Variants in SNRPA1 observed in about 807,000 individuals in gnomAD.
The protein encoded by SNRPA1 is U2 small nuclear ribonucleoprotein A'.
In SNRPA1, 5 loss-of-function variants were observed where a neutral mutation model predicts 32.3. The ratio of observed to expected loss-of-function variants is 0.15; its 90% CI spans 0.08 to 0.33. The LOEUF (loss-of-function observed/expected upper bound fraction) is 0.33. Ranked by LOEUF, SNRPA1 falls within the 10% of genes least tolerant of loss-of-function variation. SNRPA1 has a pLI of 1.00. For missense variants in SNRPA1, 198 were observed against 311.1 expected, an observed-to-expected ratio of 0.64 and a Z score of 2.74; for synonymous variants, 111 against 120.1, an observed-to-expected ratio of 0.92 and a Z score of 0.50.
At chr15:101,294,411 T>C (rs1242273935) in intron 1 of SNRPA1, among the ~76,000 whole-genome samples, 1 of 152,206 alleles carries the variant, frequency 6.6e-6, no homozygotes, top group Non-Finnish European at 1.5e-5. Flanking sequence ...TAAAGCCGTC[T>C]CCTGAAATGC....
chr15:101,291,913 G>A (rs1451492841), intron 3 of SNRPA1, 49 bp downstream of exon 3: 9 of 1,182,992 alleles, frequency 7.6e-6, no homozygotes, highest in Non-Finnish European at 1.1e-5. Context: ...GAAGCACATA[G>A]TACCTTTAAC....
At chr15:101,285,963 C>A in intron 6 of SNRPA1, 162 bp from the exon 7 acceptor site, 1 of 640,294 alleles carries the variant, frequency 1.6e-6, no homozygotes. Flanking sequence ...TCCAGTTCAT[C>A]TTCCTATATA....
chr15:101,294,035 A>C (rs2039558445), intron 1 of SNRPA1, among the ~76,000 whole-genome samples: 1 of 152,194 alleles, frequency 6.6e-6, no homozygotes, highest in Non-Finnish European at 1.5e-5. Flanking sequence ...GGAGTTCGAG[A>C]CCAGCCTGAC....
chr15:101,284,507 C>CT (rs58361573), intron 8 of SNRPA1, among the ~76,000 whole-genome samples: 6,549 of 142,632 alleles, frequency 0.046, 521 homozygotes, highest in African/African-American at 0.15. Context: ...CATGAAATAC[C>CT]TTTTTTTTTT....
At chr15:101,284,916 C>T in intron 8 of SNRPA1, 51 bp downstream of exon 8, 1 of 1,379,344 alleles carries the variant, frequency 7.2e-7, no homozygotes, top group Non-Finnish European at 1.0e-6. Flanking sequence ...TTGTGAGTTA[C>T]ACTCTGAGTG....
rs964291971 is a variant in SNRPA1, at chr15:101,291,866, C to G, written c.309+96G>C. On this transcript the variant is annotated intron_variant, in intron 3 of 8. Transcript: ENST00000254193. ...TAAGAAAAAGACAAGAAAGAGGATA[C>G]TGAGATCATTTTCTAGATTTTGTAA... 3 of 741,438 alleles carry G rather than the reference C, an allele frequency of 4.0e-6. No individual in the cohort carries two copies. In the South Asian group the frequency reaches 5.3e-5, roughly 13 times the overall value. 45.9% of individuals were successfully genotyped at this position (741,438 alleles called of 1,614,324 possible).
intron 2 of SNRPA1, 120 bp from the exon 3 acceptor site, chr15:101,292,160 AAAGAGG>A: frequency 1.4e-6 from 1 of 704,716 alleles, no homozygotes; most frequent in Non-Finnish European, 2.4e-6. Flanking sequence ...ACACCCTGAT[AAAGAGG>A]AAACAAAGCA....
chr15:101,286,127 G>A (rs1435187916), intron 6 of SNRPA1, 87 bp downstream of exon 6: 1 of 1,123,876 alleles, frequency 8.9e-7, no homozygotes, highest in East Asian at 2.5e-5. Flanking sequence ...AGAGTTTTTG[G>A]TTAATTTTGT....
At chr15:101,291,621 T>C (rs1011378806) in intron 3 of SNRPA1, among the ~76,000 whole-genome samples, 10 of 152,148 alleles carry the variant, frequency 6.6e-5, no homozygotes, top group African/African-American at 2.4e-4. Context: ...TGGTACTATA[T>C]TGAACACTGC....
chr15:101,290,992 G>A (rs376683604), intron 3 of SNRPA1, among the ~76,000 whole-genome samples: 2 of 151,688 alleles, frequency 1.3e-5, no homozygotes, highest in South Asian at 2.1e-4. Context: ...CACCCGCCTC[G>A]GCCTCCCAAA....
intron 8 of SNRPA1, among the ~76,000 whole-genome samples, chr15:101,282,690 T>A (rs1270008206): frequency 6.6e-6 from 1 of 152,230 alleles, no homozygotes; most frequent in African/African-American, 2.4e-5. Context: ...CTTTTGCAGA[T>A]CTTCCAAACG....
chr15:101,287,609 T>A (rs754162375), intron 4 of SNRPA1, 47 bp downstream of exon 4: 5 of 1,511,490 alleles, frequency 3.3e-6, no homozygotes, highest in Non-Finnish European at 3.7e-6. Flanking sequence ...GTAAAAGTAA[T>A]GTTATTTTAA....
At chr15:101,283,421 C>T (rs2039418763) in intron 8 of SNRPA1, among the ~76,000 whole-genome samples, 1 of 151,724 alleles carries the variant, frequency 6.6e-6, no homozygotes, top group Non-Finnish European at 1.5e-5. Context: ...AAAAAGTTAG[C>T]CATGCTTGGT....
Position 101,293,645 on chromosome 15 carries a change from A to G in SNRPA1, c.83-473T>C, listed in dbSNP as rs940743617. Among the ~76,000 whole-genome samples the G allele has an allele frequency of 2.0e-5, 3 of 152,182 alleles. No homozygotes were observed. The South Asian group carries it at 6.2e-4, about 31-fold the overall frequency. ...TAGAACCCATCAGAACAGCCTCAAC[A>G]TATCACGACAGTTCTCCCTCCCCTC... On this transcript the variant is annotated intron_variant, in intron 1 of 8. Transcript: ENST00000254193.
intron 3 of SNRPA1, chr15:101,287,917 G>A (rs1388355950): frequency 1.4e-5 from 7 of 510,534 alleles, no homozygotes; most frequent in South Asian, 4.8e-5. Context: ...AACAGCTTCT[G>A]TCTCAATAGC....
intron 3 of SNRPA1, among the ~76,000 whole-genome samples, chr15:101,288,869 G>A (rs181549069): frequency 6.6e-6 from 1 of 152,326 alleles, no homozygotes; most frequent in African/African-American, 2.4e-5. Context: ...AAGGGCTGCA[G>A]GGGCAAGAGC....
chr15:101,293,473 C>T (rs1022863694), intron 1 of SNRPA1: 1 of 198,740 alleles, frequency 5.0e-6, no homozygotes, highest in Non-Finnish European at 1.0e-5. Context: ...CAAGGTGCCT[C>T]ACACTGTCCT....
chr15:101,282,281 A>G (rs2039404075), intron 8 of SNRPA1, among the ~76,000 whole-genome samples: 1 of 152,272 alleles, frequency 6.6e-6, no homozygotes, highest in South Asian at 2.1e-4. Context: ...AGGGGGAAAA[A>G]AAAGTTGTAA....
intron 3 of SNRPA1, among the ~76,000 whole-genome samples, chr15:101,290,747 T>G (rs2039515364): frequency 6.7e-6 from 1 of 150,138 alleles, no homozygotes; most frequent in Admixed American, 6.6e-5. Flanking sequence ...GGCATTTTTT[T>G]TTTTTTTTTT....
Sources: allele counts gnomAD v4.1 joint callset (sites outside exome capture counted in the v4.1 genomes callset), GRCh38; gene constraint gnomAD v4.1.1; transcripts MANE v1.5; gene names NCBI Gene and HGNC (gene_info 2026-07-23, HGNC 2026-07-21).